ZNF518A: variants seen among roughly 807,000 people sequenced by gnomAD.
ZNF518A encodes zinc finger protein 518.
In ZNF518A, 47 loss-of-function variants were observed where a neutral mutation model predicts 102.7. The ratio of observed to expected loss-of-function variants is 0.46; its 90% CI spans 0.36 to 0.58. The LOEUF (loss-of-function observed/expected upper bound fraction) is 0.58, where lower values mean the gene tolerates loss of function less well. Among genes scored for constraint, ZNF518A ranks in the 20% least tolerant of loss-of-function variants. The pLI is 0.00. For synonymous variants in ZNF518A, 652 were observed against 594.6 expected (o/e 1.10, Z -1.40); for missense variants, 1,793 against 1,699.8 (o/e 1.05, Z -0.96).
At chr10:96,194,768 ATTTTTT>A (rs71034364) in intron 1 of ZNF518A, among the ~76,000 whole-genome samples, 4 of 110,280 alleles carry the variant, frequency 3.6e-5, no homozygotes, top group Non-Finnish European at 7.2e-5. Flanking sequence ...AGAAATGCAA[ATTTTTT>A]TTTTTTTTTT....
At position 96,150,577 on chromosome 10, in the gene ZNF518A, TCA is replaced by T. The variant is rs1294547608; in HGVS notation, c.-301-4748_-301-4747del. On this transcript the variant is annotated intron_variant, in intron 3 of 5. Coordinates refer to ENST00000316045, the MANE Select transcript of ZNF518A (RefSeq NM_001330736.2). ...AAAAAAACTTAGGTACAATTTTTTC[TCA>T]TTTTCAAAATCATTATTCCTCCCGC... 4.0e-5 allele frequency among the ~76,000 whole-genome samples: 6 copies of T among 151,542 alleles called. No individual in the cohort carries two copies. The East Asian group carries it at 1.2e-3, about 29-fold the overall frequency.
chr10:96,196,974 A>G, intron 1 of ZNF518A: 1 of 1,613,514 alleles, frequency 6.2e-7, no homozygotes, highest in Non-Finnish European at 8.5e-7. Context: ...GCACAGGAAT[A>G]TTATATACTC....
intron 3 of ZNF518A, among the ~76,000 whole-genome samples, chr10:96,154,365 TCTTTCTTC>T (rs1233180096): frequency 1.1e-4 from 17 of 152,096 alleles, no homozygotes; most frequent in East Asian, 3.9e-4. Context: ...TTTCTCTGTT[TCTTTCTTC>T]CTTTCTTCCT....
chr10:96,146,493 G>A (rs1370723876), intron 3 of ZNF518A, among the ~76,000 whole-genome samples: 1 of 150,320 alleles, frequency 6.7e-6, no homozygotes, highest in Non-Finnish European at 1.5e-5. Flanking sequence ...ATTAGCAGAA[G>A]TTTTCTTGTT....
chr10:96,200,030 A>G lies in ZNF518A; in HGVS notation n.36-3544A>G. 7.9e-7 allele frequency: 1 copy of G among 1,263,366 alleles called. No homozygotes were observed. The highest frequency in any genetic ancestry group is 3.0e-5 in the East Asian group (1 of 33,038). 78.3% of individuals were successfully genotyped at this position (1,263,366 alleles called of 1,614,324 possible). A position where few individuals can be genotyped will look rare whatever the true frequency, so the allele number is the denominator to read the frequency against. On this transcript the variant is annotated intron_variant and non_coding_transcript_variant, in intron 1 of 2. Transcript: ENST00000442635. This position sits in a 1 kb window ranked among gnomAD's most constrained non-coding sequence, Gnocchi z 4.3. Reference sequence around the variant, plus strand: ...CTGCATCATCTCAAAACAAATAAATAAAATAAAATAAAATAAAAATAATAA... The same window carrying G: ...CTGCATCATCTCAAAACAAATAAATGAAATAAAATAAAATAAAAATAATAA...
intron 1 of ZNF518A, among the ~76,000 whole-genome samples, chr10:96,186,240 G>A (rs1187618069): frequency 3.9e-5 from 6 of 152,104 alleles, no homozygotes; most frequent in East Asian, 3.9e-4. Context: ...CCAACCAGTC[G>A]CAGTGAGATG....
intron 3 of ZNF518A, among the ~76,000 whole-genome samples, chr10:96,146,119 G>A (rs1230804727): frequency 6.6e-6 from 1 of 151,340 alleles, no homozygotes; most frequent in African/African-American, 2.4e-5. Flanking sequence ...TTCACTTAAG[G>A]TATGTTAGAT....
At chr10:96,179,046 T>C (rs1554891745) in intron 1 of ZNF518A, among the ~76,000 whole-genome samples, 1 of 152,106 alleles carries the variant, frequency 6.6e-6, no homozygotes, top group African/African-American at 2.4e-5. Flanking sequence ...TTTTATGTCA[T>C]TTTATGAGTC....
chr10:96,197,013 T>C, intron 1 of ZNF518A: 1 of 1,613,212 alleles, frequency 6.2e-7, no homozygotes, highest in African/African-American at 1.3e-5. Flanking sequence ...CTAGTGTATA[T>C]GGTTGTTTGG....
At chr10:96,130,862 C>G (rs1388406407) in intron 1 of ZNF518A, 110 bp downstream of exon 1, 3 of 152,212 alleles carry the variant, frequency 2.0e-5, no homozygotes, top group Admixed American at 2.0e-4. Flanking sequence ...ATGGTGTCCT[C>G]TTTGTCAAGT....
intron 3 of ZNF518A, among the ~76,000 whole-genome samples, chr10:96,135,983 G>A (rs1203152784): frequency 6.6e-6 from 1 of 152,152 alleles, no homozygotes; most frequent in Non-Finnish European, 1.5e-5. Flanking sequence ...CTGAAAAAAG[G>A]ATGGAGTTAA....
At chr10:96,166,209 C>G (rs782505879), downstream of ZNF518A, among the ~76,000 whole-genome samples, 14 of 152,172 alleles carry the variant, frequency 9.2e-5, no homozygotes, top group Non-Finnish European at 1.9e-4. Flanking sequence ...GCGTCAATCA[C>G]ATTGTGGGCA....
chr10:96,177,227 T>C (rs1213275395), intron 1 of ZNF518A, among the ~76,000 whole-genome samples: 3 of 152,200 alleles, frequency 2.0e-5, no homozygotes, highest in African/African-American at 4.8e-5. Flanking sequence ...CAGAAGATAG[T>C]GGAATGATAT....
Position 96,161,629 on chromosome 10 carries a change from C to A in ZNF518A, c.*855C>A, listed in dbSNP as rs2083004024. 1 of 166,800 alleles carries A rather than the reference C, an allele frequency of 6.0e-6. No individual in the cohort carries two copies. 10.3% of individuals were successfully genotyped at this position (166,800 alleles called of 1,614,324 possible). A position where few individuals can be genotyped will look rare whatever the true frequency, so the allele number is the denominator to read the frequency against. On this transcript the variant is annotated 3_prime_UTR_variant, in exon 6 of 6. Coordinates refer to ENST00000316045, the MANE Select transcript of ZNF518A (RefSeq NM_001330736.2). ...TCCATAAACAAATGGCCATTTTTTTCTTCTTGGTTCCCATCCCTTTAAAAA... is the reference window on the plus strand; with the variant it reads ...TCCATAAACAAATGGCCATTTTTTTATTCTTGGTTCCCATCCCTTTAAAAA...
chr10:96,204,174 C>T, downstream of ZNF518A: 5 of 1,374,706 alleles, frequency 3.6e-6, no homozygotes, highest in Admixed American at 1.7e-5. Flanking sequence ...ATGCTGTGAA[C>T]AGGCACATCA....
At chr10:96,137,387 G>A (rs2081653918) in intron 3 of ZNF518A, among the ~76,000 whole-genome samples, 1 of 152,188 alleles carries the variant, frequency 6.6e-6, no homozygotes, top group South Asian at 2.1e-4. Flanking sequence ...AAAACTCCTT[G>A]AAAGAGTTGT....
intron 1 of ZNF518A, chr10:96,189,753 T>C: frequency 1.3e-6 from 1 of 758,378 alleles, no homozygotes; most frequent in Non-Finnish European, 2.4e-6. Context: ...CAGCAAGTTT[T>C]ACTTTTATTC....
chr10:96,203,768 C>T, intron 2 of ZNF518A: 1 of 243,486 alleles, frequency 4.1e-6, no homozygotes, highest in Non-Finnish European at 7.5e-6. Context: ...TTGAAAACAG[C>T]TGTATTGTTT....
At chr10:96,197,207 C>A in intron 1 of ZNF518A, 1 of 622,182 alleles carries the variant, frequency 1.6e-6, no homozygotes, top group Non-Finnish European at 2.6e-6. Flanking sequence ...TTGATTAGCG[C>A]TTGTCTTCTT....
Sources: allele counts gnomAD v4.1 joint callset (sites outside exome capture counted in the v4.1 genomes callset), GRCh38; gene constraint gnomAD v4.1.1; non-coding constraint Gnocchi (gnomAD v3.1); transcripts MANE v1.5; gene names NCBI Gene and HGNC (gene_info 2026-07-23, HGNC 2026-07-21).